COL22A1: variants seen among roughly 807,000 people sequenced by gnomAD.
COL22A1 encodes the protein collagen alpha-1(XXII) chain.
A neutral mutation model predicts 248.9 loss-of-function variants in COL22A1; 221 were observed. That is an observed-to-expected ratio of 0.89 (90% CI 0.80 to 0.99). The LOEUF (loss-of-function observed/expected upper bound fraction) is 0.99. Among genes scored for constraint, COL22A1 ranks in the 50% least tolerant of loss-of-function variants. The pLI is 0.00. For synonymous variants in COL22A1, 891 were observed against 793.4 expected (o/e 1.12, Z -2.07); for missense variants, 2,240 against 2,179.0 (o/e 1.03, Z -0.56).
chr8:138,593,571 A>G (rs1817269278), intron 63 of COL22A1, among the ~76,000 whole-genome samples: 1 of 152,000 alleles, frequency 6.6e-6, no homozygotes, highest in Admixed American at 6.5e-5. Flanking sequence ...TGAAGGAGAG[A>G]CCTTCTGTTG....
At chr8:138,753,646 C>T (rs1028528851) in intron 21 of COL22A1, among the ~76,000 whole-genome samples, 4 of 152,206 alleles carry the variant, frequency 2.6e-5, no homozygotes, top group African/African-American at 9.6e-5. Context: ...CACATAGCTG[C>T]TTCTTCAGAC....
intron 4 of COL22A1, among the ~76,000 whole-genome samples, chr8:138,841,512 A>T (rs892346597): frequency 2.0e-5 from 3 of 152,170 alleles, no homozygotes; most frequent in Non-Finnish European, 4.4e-5. Context: ...CACCACACAG[A>T]GGTAATACCA....
At chr8:138,731,437 TA>T (rs1045480523) in intron 23 of COL22A1, among the ~76,000 whole-genome samples, 12 of 151,658 alleles carry the variant, frequency 7.9e-5, no homozygotes, top group African/African-American at 2.2e-4. Context: ...AAGAAGGTGA[TA>T]GGGGGAGGGA....
At chr8:138,774,678 C>T (rs952145673) in intron 16 of COL22A1, among the ~76,000 whole-genome samples, 3 of 152,190 alleles carry the variant, frequency 2.0e-5, no homozygotes, top group African/African-American at 7.2e-5. Flanking sequence ...CTCGGCCTCC[C>T]AAAGTGCTGG....
intron 5 of COL22A1, among the ~76,000 whole-genome samples, chr8:138,830,298 C>T (rs1819941702): frequency 6.6e-6 from 1 of 152,086 alleles, no homozygotes; most frequent in Admixed American, 6.6e-5. Flanking sequence ...CTGTTATTGT[C>T]ATGAGAAATA....
intron 7 of COL22A1, among the ~76,000 whole-genome samples, chr8:138,816,461 G>T (rs1405724342): frequency 6.6e-6 from 1 of 152,162 alleles, no homozygotes; most frequent in African/African-American, 2.4e-5. Flanking sequence ...GGTCTGCTTG[G>T]CTCCCTGGAT....
intron 4 of COL22A1, among the ~76,000 whole-genome samples, chr8:138,837,184 G>A (rs571802972): frequency 4.3e-4 from 66 of 152,272 alleles, no homozygotes; most frequent in African/African-American, 1.5e-3. Context: ...GTGGGAACCT[G>A]TTGACCCAAG....
At chr8:138,851,745 T>C (rs1448409913) in intron 3 of COL22A1, among the ~76,000 whole-genome samples, 1 of 152,112 alleles carries the variant, frequency 6.6e-6, no homozygotes, top group Admixed American at 6.5e-5. Flanking sequence ...AGACCAAACC[T>C]TCCTTCATCC....
intron 28 of COL22A1, 54 bp downstream of exon 28, chr8:138,716,771 T>C: frequency 7.8e-7 from 1 of 1,277,452 alleles, no homozygotes; most frequent in Non-Finnish European, 1.1e-6. Context: ...AGATGTAGCG[T>C]ATAACAATGA....
chr8:138,676,662 G>C, intron 40 of COL22A1, 27 bp from the exon 41 acceptor site: 1 of 1,485,870 alleles, frequency 6.7e-7, no homozygotes, highest in South Asian at 1.2e-5. Context: ...ATAAGATCAA[G>C]GAGGTCAGTG....
At chr8:138,814,305 G>A (rs540124197) in intron 7 of COL22A1, among the ~76,000 whole-genome samples, 2 of 152,378 alleles carry the variant, frequency 1.3e-5, no homozygotes, top group Admixed American at 1.3e-4. Flanking sequence ...CCCTTTAGGG[G>A]CTGTTTTTCA....
At position 138,589,028 on chromosome 8, in the gene COL22A1, A is replaced by T. The variant is rs575147648; in HGVS notation, c.*225T>A. The T allele has an allele frequency of 2.2e-6, 1 of 456,478 alleles. No homozygotes were observed. The highest frequency in any genetic ancestry group is 2.1e-5 in the African/African-American group (1 of 48,610). The allele number at this position is 456,478 out of a possible 1,614,324, so 28.3% of individuals were successfully genotyped here. A position where few individuals can be genotyped will look rare whatever the true frequency, so the allele number is the denominator to read the frequency against. On this transcript the variant is annotated 3_prime_UTR_variant, in exon 65 of 65. Transcript: ENST00000303045. ...CATCAGCATATGAAATAATAATAAT[A>T]ATTAACAACAACAATAATATTAATA...
intron 18 of COL22A1, among the ~76,000 whole-genome samples, chr8:138,757,832 G>T (rs1400951696): frequency 6.6e-6 from 1 of 152,202 alleles, no homozygotes; most frequent in Non-Finnish European, 1.5e-5. Flanking sequence ...CCACAATATG[G>T]GTGACACATT....
intron 47 of COL22A1, among the ~76,000 whole-genome samples, chr8:138,640,865 T>C (rs1821621861): frequency 6.6e-6 from 1 of 152,170 alleles, no homozygotes; most frequent in African/African-American, 2.4e-5. Context: ...CCAAGTCCTA[T>C]AATTAGCAAG....
chr8:138,911,161 C>G (rs1815425801), intron 1 of COL22A1, among the ~76,000 whole-genome samples: 1 of 152,158 alleles, frequency 6.6e-6, no homozygotes, highest in East Asian at 1.9e-4. Context: ...TGAATCAATC[C>G]CTCTTGTCTT....
At chr8:138,685,457 A>C in intron 37 of COL22A1, 145 bp from the exon 38 acceptor site, 2 of 712,598 alleles carry the variant, frequency 2.8e-6, no homozygotes, top group Non-Finnish European at 4.9e-6. Flanking sequence ...ACACAGAAAG[A>C]TGGACTGTGT....
intron 3 of COL22A1, among the ~76,000 whole-genome samples, chr8:138,846,011 G>A (rs1821216410): frequency 6.6e-6 from 1 of 152,168 alleles, no homozygotes; most frequent in African/African-American, 2.4e-5. Flanking sequence ...GAACAAATGA[G>A]ATCTTTCCTG....
chr8:138,777,856 C>T (rs114494509), intron 15 of COL22A1: 3,329 of 169,982 alleles, frequency 0.02, 53 homozygotes, highest in African/African-American at 0.043. Flanking sequence ...TATAGAGAAT[C>T]GAGAATAGTG....
chr8:138,793,794 G>A (rs1052725606), intron 12 of COL22A1, among the ~76,000 whole-genome samples: 1 of 152,220 alleles, frequency 6.6e-6, no homozygotes, highest in African/African-American at 2.4e-5. Flanking sequence ...TCACCCCAGA[G>A]CCAATGAGGC....
Sources: gnomAD v4.1 joint callset for allele counts (sites outside exome capture counted in the v4.1 genomes callset) on GRCh38, gnomAD v4.1.1 for gene constraint, MANE v1.5 for transcripts, NCBI Gene and HGNC (gene_info 2026-07-23, HGNC 2026-07-21) for gene names.